ARL15: variants seen among roughly 807,000 people sequenced by gnomAD.
ARL15 encodes ARF like GTPase 15.
ARL15 carries 19 observed loss-of-function variants against 25.2 expected under a neutral mutation model. The ratio of observed to expected loss-of-function variants is 0.75; its 90% CI spans 0.53 to 1.10. The LOEUF (loss-of-function observed/expected upper bound fraction) is 1.10, where lower values mean the gene tolerates loss of function less well. ARL15 is among the 50% of genes least tolerant of loss of function. ARL15 has a pLI of 0.00. For missense variants in ARL15, 220 were observed against 246.0 expected, an observed-to-expected ratio of 0.89 and a Z score of 0.71; for synonymous variants, 94 against 86.8, an observed-to-expected ratio of 1.08 and a Z score of -0.46.
At chr5:54,181,283 T>C (rs1755048065) in intron 1 of ARL15, among the ~76,000 whole-genome samples, 1 of 152,178 alleles carries the variant, frequency 6.6e-6, no homozygotes, top group Admixed American at 6.5e-5. Flanking sequence ...TCAATTTTTA[T>C]AAAAACAGAA....
intron 4 of ARL15, among the ~76,000 whole-genome samples, chr5:53,961,495 C>CAAAAAA (rs10589852): frequency 2.9e-5 from 2 of 68,870 alleles, no homozygotes; most frequent in Admixed American, 1.8e-4. Context: ...GACTCTGTCT[C>CAAAAAA]AAAAAAAAAA....
At chr5:53,918,592 G>A (rs185219439) in intron 4 of ARL15, among the ~76,000 whole-genome samples, 2 of 152,066 alleles carry the variant, frequency 1.3e-5, no homozygotes, top group Non-Finnish European at 2.9e-5. Flanking sequence ...GATCTGGGGG[G>A]TCATGCAAAA....
chr5:54,200,801 C>G (rs1755700464), intron 1 of ARL15, among the ~76,000 whole-genome samples: 1 of 152,138 alleles, frequency 6.6e-6, no homozygotes, highest in African/African-American at 2.4e-5. Context: ...TTTTATTCAT[C>G]TTTCCATACT....
intron 4 of ARL15, among the ~76,000 whole-genome samples, chr5:54,014,309 C>T (rs7735249): frequency 1.3e-5 from 2 of 152,026 alleles, no homozygotes; most frequent in South Asian, 4.1e-4. Context: ...ACAAGGAGAA[C>T]AACTGTTTTT....
chr5:54,078,877 A>G (rs1397782643), intron 4 of ARL15, among the ~76,000 whole-genome samples: 1 of 152,196 alleles, frequency 6.6e-6, no homozygotes, highest in Non-Finnish European at 1.5e-5. Flanking sequence ...GCTATTATAA[A>G]TAACATGCTT....
At position 53,984,074 on chromosome 5, in the gene ARL15, C is replaced by T. The variant is rs60155017; in HGVS notation, c.463-97361G>A. Among the ~76,000 whole-genome samples, 1,009 of 152,234 alleles carry T rather than the reference C, an allele frequency of 6.6e-3. 14 individuals are homozygous for T. Among genetic ancestry groups the T allele is most frequent in the African/African-American group, 0.023 (949 of 41,524 alleles). On this transcript the variant is annotated intron_variant, in intron 4 of 4. Transcript: ENST00000504924. Reference sequence around the variant, plus strand: ...AGCACTCACATACTTAGAGAGTGACCGCCCTGGATATTAAGGGAAAATTGA... The same window carrying T: ...AGCACTCACATACTTAGAGAGTGACTGCCCTGGATATTAAGGGAAAATTGA...
intron 4 of ARL15, among the ~76,000 whole-genome samples, chr5:54,004,243 T>G (rs10940354): frequency 6.6e-6 from 1 of 151,720 alleles, no homozygotes. Flanking sequence ...GCCTGTAATC[T>G]CAGCACTTTG....
chr5:54,167,410 T>A (rs561175978), intron 2 of ARL15, among the ~76,000 whole-genome samples: 1 of 152,312 alleles, frequency 6.6e-6, no homozygotes, highest in Non-Finnish European at 1.5e-5. Context: ...GCCTGGAAAC[T>A]CTCAAGGCAT....
intron 4 of ARL15, among the ~76,000 whole-genome samples, chr5:53,900,412 A>G (rs1745025410): frequency 6.6e-6 from 1 of 152,204 alleles, no homozygotes; most frequent in South Asian, 2.1e-4. Context: ...GGGTTAGGCT[A>G]TCAAGACTCA....
intron 1 of ARL15, among the ~76,000 whole-genome samples, chr5:54,251,786 G>C (rs1282281772): frequency 6.6e-6 from 1 of 152,182 alleles, no homozygotes; most frequent in Non-Finnish European, 1.5e-5. Flanking sequence ...ATCAGCTTTA[G>C]AGCAGTGGTT....
chr5:54,271,922 ATTT>A (rs1365703837), intron 1 of ARL15, among the ~76,000 whole-genome samples: 2 of 149,924 alleles, frequency 1.3e-5, no homozygotes, highest in East Asian at 3.9e-4. Flanking sequence ...TTATTTATTT[ATTT>A]ATTTATTTAT....
chr5:54,093,039 C>G (rs1236810754), intron 4 of ARL15, among the ~76,000 whole-genome samples: 1 of 152,094 alleles, frequency 6.6e-6, no homozygotes, highest in Non-Finnish European at 1.5e-5. Flanking sequence ...ATTATAGGCA[C>G]ATTTACATGC....
intron 1 of ARL15, chr5:54,286,370 T>C (rs1170382588): frequency 6.6e-6 from 1 of 152,210 alleles, no homozygotes. Flanking sequence ...AATCTACCAA[T>C]GTCCATGGAT....
chr5:53,897,450 T>A (rs1580058047), intron 4 of ARL15, among the ~76,000 whole-genome samples: 1 of 152,352 alleles, frequency 6.6e-6, no homozygotes, highest in African/African-American at 2.4e-5. Context: ...TGAATAATAT[T>A]CCACTGTGTG....
chr5:53,904,514 T>C (rs1040202614), intron 4 of ARL15, among the ~76,000 whole-genome samples: 1 of 152,038 alleles, frequency 6.6e-6, no homozygotes, highest in African/African-American at 2.4e-5. Flanking sequence ...CTACAAAGGA[T>C]TGAGAGGGAA....
chr5:54,238,095 C>T (rs1323907130), intron 1 of ARL15, among the ~76,000 whole-genome samples: 1 of 152,114 alleles, frequency 6.6e-6, no homozygotes, highest in Non-Finnish European at 1.5e-5. Context: ...CCATTCTTTC[C>T]ATATCACTAA....
intron 4 of ARL15, among the ~76,000 whole-genome samples, chr5:54,023,200 T>A (rs573610651): frequency 1.3e-5 from 2 of 152,118 alleles, no homozygotes; most frequent in Non-Finnish European, 2.9e-5. Context: ...AATTTTTACA[T>A]TGGACTTGAA....
At chr5:54,074,549 A>C (rs1751532395) in intron 4 of ARL15, among the ~76,000 whole-genome samples, 1 of 152,156 alleles carries the variant, frequency 6.6e-6, no homozygotes, top group South Asian at 2.1e-4. Context: ...TGCTTTTGTA[A>C]AGTTTGATGC....
chr5:54,029,431 T>G (rs1214798548), intron 4 of ARL15, among the ~76,000 whole-genome samples: 2 of 143,570 alleles, frequency 1.4e-5, no homozygotes, highest in African/African-American at 5.3e-5. Flanking sequence ...TCAAAGAGTT[T>G]ACAATCTCAA....
Sources: gnomAD v4.1 joint callset for allele counts (sites outside exome capture counted in the v4.1 genomes callset) on GRCh38, gnomAD v4.1.1 for gene constraint, MANE v1.5 for transcripts, NCBI Gene and HGNC (gene_info 2026-07-23, HGNC 2026-07-21) for gene names.